Variants in BCAS3 observed in about 807,000 individuals in gnomAD.
The protein encoded by BCAS3 is BCAS4/BCAS3 fusion.
Under a neutral mutation model 116.1 loss-of-function variants are expected in BCAS3, and 53 were observed. That is an observed-to-expected ratio of 0.46 (90% CI 0.37 to 0.57). The LOEUF (loss-of-function observed/expected upper bound fraction) is 0.57, where lower values mean the gene tolerates loss of function less well. BCAS3 is among the 20% of genes least tolerant of loss of function. BCAS3 has a pLI of 0.00. For synonymous variants in BCAS3, 391 were observed against 408.2 expected, an observed-to-expected ratio of 0.96 and a Z score of 0.51; for missense variants, 917 against 1,165.4, an observed-to-expected ratio of 0.79 and a Z score of 3.10.
At chr17:60,769,775 T>A (rs922884959) in intron 6 of BCAS3, among the ~76,000 whole-genome samples, 2 of 149,968 alleles carry the variant, frequency 1.3e-5, no homozygotes, top group African/African-American at 2.5e-5. Context: ...TTTTTTTTAA[T>A]TTTTTTTTTA....
At chr17:61,340,318 G>A (rs1440155505) in intron 22 of BCAS3, among the ~76,000 whole-genome samples, 1 of 128,196 alleles carries the variant, frequency 7.8e-6, no homozygotes, top group Non-Finnish European at 1.5e-5. Flanking sequence ...GGGGGACTGT[G>A]TATACACAGA....
chr17:61,336,788 C>T (rs2056756089), intron 22 of BCAS3, among the ~76,000 whole-genome samples: 1 of 152,122 alleles, frequency 6.6e-6, no homozygotes, highest in Admixed American at 6.6e-5. Flanking sequence ...AAGTCTTGCC[C>T]AAGGTTACAC....
intron 7 of BCAS3, among the ~76,000 whole-genome samples, chr17:60,844,166 C>G (rs1004562098): frequency 1.3e-5 from 2 of 152,096 alleles, no homozygotes; most frequent in Non-Finnish European, 2.9e-5. Flanking sequence ...GATGGGGTTT[C>G]TTCATGTTGC....
intron 7 of BCAS3, chr17:60,811,020 G>A: frequency 3.0e-6 from 2 of 657,568 alleles, no homozygotes; most frequent in Admixed American, 3.8e-5. Context: ...TCACCATGCA[G>A]TCTGCCGAGG....
chr17:61,349,366 A>T lies in BCAS3; in HGVS notation c.2426-18961A>T, dbSNP rs546662468. Among the ~76,000 whole-genome samples, 20 of 152,318 alleles carry T rather than the reference A, an allele frequency of 1.3e-4. No homozygotes were observed. The highest frequency in any genetic ancestry group is 4.6e-4 in the African/African-American group (19 of 41,580). ...ATCATGAGCCACTGTTACTGATGGA[A>T]CCATGTCATGAATCCCTCAGATGTG... On this transcript the variant is annotated intron_variant, in intron 22 of 23. Coordinates refer to ENST00000407086, the MANE Select transcript of BCAS3 (RefSeq NM_017679.5). The surrounding 1 kb of genome is among the most constrained non-coding windows in gnomAD (Gnocchi z 4.7).
chr17:61,294,145 A>G (rs78438219), intron 22 of BCAS3, among the ~76,000 whole-genome samples: 1 of 152,314 alleles, frequency 6.6e-6, no homozygotes, highest in East Asian at 1.9e-4. Context: ...TCTCCAAAAT[A>G]AGTTATTTTA....
intron 4 of BCAS3, among the ~76,000 whole-genome samples, chr17:60,702,030 G>A (rs967241300): frequency 6.6e-6 from 1 of 151,940 alleles, no homozygotes; most frequent in African/African-American, 2.4e-5. Context: ...ATATATGTAT[G>A]TATAGATACA....
At chr17:60,955,048 T>C (rs1020580695) in intron 14 of BCAS3, among the ~76,000 whole-genome samples, 1 of 152,214 alleles carries the variant, frequency 6.6e-6, no homozygotes, top group African/African-American at 2.4e-5. Flanking sequence ...TAGTACTTAT[T>C]ATTTTGTATT....
chr17:60,807,889 A>T (rs2048429239), intron 6 of BCAS3, 115 bp from the exon 7 acceptor site: 2 of 668,632 alleles, frequency 3.0e-6, no homozygotes, highest in East Asian at 2.7e-5. Context: ...TGTATAAATT[A>T]TGTCAACTTA....
intron 5 of BCAS3, among the ~76,000 whole-genome samples, chr17:60,718,189 C>T (rs2038854146): frequency 6.6e-6 from 1 of 152,174 alleles, no homozygotes; most frequent in Non-Finnish European, 1.5e-5. Context: ...TGGTTTGTAA[C>T]CAGTACCTGG....
At chr17:61,271,990 TGTAGAGA>T (rs2050326546) in intron 22 of BCAS3, among the ~76,000 whole-genome samples, 1 of 151,650 alleles carries the variant, frequency 6.6e-6, no homozygotes, top group African/African-American at 2.4e-5. Context: ...TTTTATTTTT[TGTAGAGA>T]TGATGTATCG....
intron 18 of BCAS3, among the ~76,000 whole-genome samples, chr17:61,040,513 C>T (rs2067418052): frequency 6.6e-6 from 1 of 152,156 alleles, no homozygotes; most frequent in Non-Finnish European, 1.5e-5. Flanking sequence ...CCTGTTTAAT[C>T]TTCTGAATGT....
rs999398088 is a variant in BCAS3 at position 61,220,013 on chromosome 17, C to T, written c.2425+135449C>T. On this transcript the variant is annotated intron_variant, in intron 22 of 23. Coordinates refer to ENST00000407086, the MANE Select transcript of BCAS3 (RefSeq NM_017679.5). This position sits in a 1 kb window ranked among gnomAD's most constrained non-coding sequence, Gnocchi z 4.5. Reference sequence around the variant, plus strand: ...GGTGTGCCGTTAAAACTAAAGTTTTCGGCCGGGCGCGGTGGCTCACGCCTG... The same window carrying T: ...GGTGTGCCGTTAAAACTAAAGTTTTTGGCCGGGCGCGGTGGCTCACGCCTG... 2.6e-5 allele frequency among the ~76,000 whole-genome samples: 4 copies of T among 152,018 alleles called. No individual in the cohort carries two copies. Among genetic ancestry groups the T allele is most frequent in the South Asian group, 2.1e-4 (1 of 4,826 alleles).
At chr17:61,044,706 A>G (rs887808720) in intron 19 of BCAS3, among the ~76,000 whole-genome samples, 7 of 151,768 alleles carry the variant, frequency 4.6e-5, no homozygotes, top group Non-Finnish European at 2.9e-5. Context: ...AACTTGATAA[A>G]TGTAGATATC....
At position 61,037,739 on chromosome 17, in the gene BCAS3, AAAAAAAAG is replaced by A. The variant is rs928136229; in HGVS notation, c.1763-134_1763-127del. The A allele has an allele frequency of 1.6e-5, 12 of 754,702 alleles. No homozygotes were observed. Among genetic ancestry groups the A allele is most frequent in the African/African-American group, 3.6e-5 (2 of 55,514 alleles). 46.8% of individuals were successfully genotyped at this position (754,702 alleles called of 1,614,324 possible). A position where few individuals can be genotyped will look rare whatever the true frequency, so the allele number is the denominator to read the frequency against. On this transcript the variant is annotated intron_variant, in intron 17 of 23. Coordinates refer to ENST00000407086, the MANE Select transcript of BCAS3 (RefSeq NM_017679.5). The surrounding 1 kb of genome is among the most constrained non-coding windows in gnomAD (Gnocchi z 4.7). ...GCAGCAAGAGCAAAACTCCATCTCC[AAAAAAAAG>A]AAAAAAAGAAAAAAATTCCTGTCTT...
chr17:60,983,293 G>C (rs893345911), intron 14 of BCAS3, among the ~76,000 whole-genome samples: 1 of 152,038 alleles, frequency 6.6e-6, no homozygotes, highest in Non-Finnish European at 1.5e-5. Context: ...AAATCATGCA[G>C]ATAATGTCAT....
At position 61,144,010 on chromosome 17, in the gene BCAS3, C is replaced by A. The variant is rs760898864; in HGVS notation, c.2425+59446C>A. On this transcript the variant is annotated intron_variant, in intron 22 of 23. Coordinates refer to ENST00000407086, the MANE Select transcript of BCAS3 (RefSeq NM_017679.5). This position sits in a 1 kb window ranked among gnomAD's most constrained non-coding sequence, Gnocchi z 5.0. ...TTTCTGAAATACTAAATTCCCATAA[C>A]CTATGCAAATTACATTTTAGGCAAG... Among the ~76,000 whole-genome samples the A allele has an allele frequency of 6.6e-6, 1 of 152,118 alleles. No homozygotes were observed. Among genetic ancestry groups the A allele is most frequent in the South Asian group, 2.1e-4 (1 of 4,818 alleles).
chr17:60,717,920 C>T (rs967352169), intron 5 of BCAS3, among the ~76,000 whole-genome samples: 13 of 152,142 alleles, frequency 8.5e-5, no homozygotes, highest in Admixed American at 5.9e-4. Flanking sequence ...CTTGCTTTCC[C>T]ACAGCTAGAT....
intron 19 of BCAS3, among the ~76,000 whole-genome samples, chr17:61,050,526 T>A (rs1052416046): frequency 5.3e-5 from 8 of 151,934 alleles, no homozygotes; most frequent in African/African-American, 1.7e-4. Context: ...GAAGGTAAAC[T>A]GTGATAAGTT....
Sources: gnomAD v4.1 joint callset for allele counts (sites outside exome capture counted in the v4.1 genomes callset) on GRCh38, gnomAD v4.1.1 for gene constraint, Gnocchi (gnomAD v3.1) non-coding constraint, MANE v1.5 for transcripts, NCBI Gene and HGNC (gene_info 2026-07-23, HGNC 2026-07-21) for gene names.